Variants in KLHL24 observed in about 807,000 individuals in gnomAD.
The protein encoded by KLHL24 is kelch like family member 24.
A neutral mutation model predicts 53.4 loss-of-function variants in KLHL24; 29 were observed. The observed-to-expected ratio is 0.54, with a 90% CI of 0.40 to 0.74. The LOEUF (loss-of-function observed/expected upper bound fraction) is 0.74, where lower values mean the gene tolerates loss of function less well. KLHL24 is among the 30% of genes least tolerant of loss of function. KLHL24 has a pLI of 0.00. For missense variants in KLHL24, 504 were observed against 744.0 expected (o/e 0.68, Z 3.75); for synonymous variants, 222 against 253.7 (o/e 0.88, Z 1.19).
At position 183,663,687 on chromosome 3, in the gene KLHL24, G is replaced by T. The variant is rs146396724; in HGVS notation, c.1105+45G>T. ...AGTAGCTACTTTTAATTTGGACACA[G>T]CTTCATTATTTTAAACATCAACAGT... is the stretch of plus-strand genomic sequence containing the variant. On this transcript the variant is annotated intron_variant, in intron 4 of 7. Transcript: ENST00000242810. This position sits in a 1 kb window ranked among gnomAD's most constrained non-coding sequence, Gnocchi z 4.9. The T allele has an allele frequency of 1.6e-4, 185 of 1,125,690 alleles. 1 individual carries two copies. In the East Asian group the frequency reaches 4.5e-3, roughly 28 times the overall value. The allele number at this position is 1,125,690 out of a possible 1,614,324, so 69.7% of individuals were successfully genotyped here. A position where few individuals can be genotyped will look rare whatever the true frequency, so the allele number is the denominator to read the frequency against.
At chr3:183,652,358 G>C (rs1718241627) in intron 3 of KLHL24, among the ~76,000 whole-genome samples, 1 of 152,146 alleles carries the variant, frequency 6.6e-6, no homozygotes, top group East Asian at 1.9e-4. Flanking sequence ...AGAAATGCTT[G>C]TTATGAGAAA....
At chr3:183,640,874 G>A (rs1442396629) in intron 1 of KLHL24, among the ~76,000 whole-genome samples, 1 of 151,958 alleles carries the variant, frequency 6.6e-6, no homozygotes, top group African/African-American at 2.4e-5. Context: ...TGCTGGGACT[G>A]CAGGCGTGAG....
In KLHL24 at chr3:183,679,605, G is replaced by T. The variant is rs78814987; in HGVS notation, c.*319G>T. On this transcript the variant is annotated 3_prime_UTR_variant, in exon 8 of 8. Coordinates refer to ENST00000242810, the MANE Select transcript of KLHL24 (RefSeq NM_017644.3). ...CATACCTTTTAGGAGCGTGTGAATGGTGTCTTCACTTATTATGTATGTTTA... is the reference window on the plus strand; with the variant it reads ...CATACCTTTTAGGAGCGTGTGAATGTTGTCTTCACTTATTATGTATGTTTA... 2.0e-4 allele frequency: 52 copies of T among 254,652 alleles called. No individual in the cohort carries two copies. The East Asian group carries it at 4.8e-3, about 24-fold the overall frequency. The allele number at this position is 254,652 out of a possible 1,614,324, so 15.8% of individuals were successfully genotyped here.
At chr3:183,660,796 G>A (rs562145943) in intron 3 of KLHL24, among the ~76,000 whole-genome samples, 10 of 152,060 alleles carry the variant, frequency 6.6e-5, no homozygotes, top group South Asian at 4.2e-4. Flanking sequence ...CGCAGCTCAC[G>A]CCTGTAATAC....
At chr3:183,654,272 T>G (rs530935869) in intron 3 of KLHL24, among the ~76,000 whole-genome samples, 21 of 152,144 alleles carry the variant, frequency 1.4e-4, no homozygotes, top group Non-Finnish European at 3.1e-4. Flanking sequence ...AATTTAATGG[T>G]TCTTACTCCT....
In KLHL24 at chr3:183,682,226, T is replaced by C. The variant is rs2108915236; in HGVS notation, c.*2940T>C. 1 of 152,282 alleles carries C rather than the reference T, an allele frequency of 6.6e-6. No individual in the cohort carries two copies. The highest frequency in any genetic ancestry group is 2.1e-4 in the South Asian group (1 of 4,830). 9.4% of individuals were successfully genotyped at this position (152,282 alleles called of 1,614,324 possible). On this transcript the variant is annotated 3_prime_UTR_variant, in exon 8 of 8. Transcript: ENST00000242810. ...AAAGGGAATTCAAAGGTATGCTTTGTAGAACAGAAAAGTATAGTTTTTTTT... is the reference window on the plus strand; with the variant it reads ...AAAGGGAATTCAAAGGTATGCTTTGCAGAACAGAAAAGTATAGTTTTTTTT...
intron 7 of KLHL24, among the ~76,000 whole-genome samples, chr3:183,676,710 C>A (rs1430591338): frequency 1.3e-5 from 2 of 151,954 alleles, no homozygotes; most frequent in Non-Finnish European, 2.9e-5. Context: ...GCTTTTTAAC[C>A]TGTGTCAGGA....
At chr3:183,675,751 AG>A (rs1711726441) in intron 7 of KLHL24, among the ~76,000 whole-genome samples, 1 of 151,960 alleles carries the variant, frequency 6.6e-6, no homozygotes, top group Non-Finnish European at 1.5e-5. Flanking sequence ...TGGGTGACAC[AG>A]TGAGACCCTG....
Position 183,681,157 on chromosome 3 carries a change from A to G in KLHL24, c.*1871A>G, listed in dbSNP as rs778941010. On this transcript the variant is annotated 3_prime_UTR_variant, in exon 8 of 8. Transcript: ENST00000242810. The stretch of plus-strand genomic sequence containing the variant: ...ACAATTTTCTATCCTCTTAGTTGAA[A>G]GAATGTAGGTACAGTTTGGATACTT... The G allele has an allele frequency of 1.2e-4, 18 of 152,122 alleles. No homozygotes were observed. The highest frequency in any genetic ancestry group is 2.2e-4 in the Non-Finnish European group (15 of 67,976). The allele number at this position is 152,122 out of a possible 1,614,324, so 9.4% of individuals were successfully genotyped here.
intron 2 of KLHL24, among the ~76,000 whole-genome samples, chr3:183,645,481 T>A (rs545363204): frequency 1.3e-5 from 2 of 152,318 alleles, no homozygotes; most frequent in East Asian, 3.9e-4. Context: ...CATCCAGACA[T>A]CCACACAAAT....
intron 3 of KLHL24, among the ~76,000 whole-genome samples, chr3:183,661,132 G>A (rs887178488): frequency 4.1e-5 from 5 of 121,162 alleles, no homozygotes; most frequent in Admixed American, 8.4e-5. Context: ...GACTACCTGG[G>A]AGGCTGAGGT....
At chr3:183,674,243 T>TTTTCTTCCTTTC in intron 7 of KLHL24, among the ~76,000 whole-genome samples, 1 of 131,070 alleles carries the variant, frequency 7.6e-6, no homozygotes, top group Admixed American at 8.0e-5. Context: ...TTAGCATCAA[T>TTTTCTTCCTTTC]TTTCTTTCTT....
At chr3:183,647,289 G>A (rs1717421853) in intron 2 of KLHL24, among the ~76,000 whole-genome samples, 4 of 152,116 alleles carry the variant, frequency 2.6e-5, no homozygotes, top group East Asian at 2.0e-4. Flanking sequence ...GGTGGTGCAC[G>A]CCTGTAGTTC....
intron 1 of KLHL24, among the ~76,000 whole-genome samples, chr3:183,642,098 C>T (rs758331975): frequency 3.3e-5 from 5 of 152,098 alleles, no homozygotes; most frequent in Non-Finnish European, 7.4e-5. Context: ...CTTAGCCAAC[C>T]CCACAGAGTC....
intron 4 of KLHL24, 77 bp from the exon 5 acceptor site, chr3:183,664,844 T>TGATAG: frequency 1.4e-6 from 1 of 695,290 alleles, no homozygotes; most frequent in East Asian, 2.8e-5. Context: ...TCTTTACCTA[T>TGATAG]GCCTTGGTGG....
Position 183,650,239 on chromosome 3 carries a change from G to A in KLHL24, c.-61-57G>A. 1 of 693,200 alleles carries A rather than the reference G, an allele frequency of 1.4e-6. No individual in the cohort carries two copies. The highest frequency in any genetic ancestry group is 2.4e-6 in the Non-Finnish European group (1 of 417,380). 42.9% of individuals were successfully genotyped at this position (693,200 alleles called of 1,614,324 possible). ...AGTGTTTATATTAAAATGAAATTAT[G>A]TGATTTGAATACTGAATTTTTTGCA... On this transcript the variant is annotated intron_variant, in intron 2 of 7. Coordinates refer to ENST00000242810, the MANE Select transcript of KLHL24 (RefSeq NM_017644.3). This position sits in a 1 kb window ranked among gnomAD's most constrained non-coding sequence, Gnocchi z 4.5.
chr3:183,666,394 C>T (rs1720567498), intron 5 of KLHL24, among the ~76,000 whole-genome samples: 1 of 152,050 alleles, frequency 6.6e-6, no homozygotes, highest in African/African-American at 2.4e-5. Flanking sequence ...TCCCAAGTAG[C>T]CAAGGCCACA....
At chr3:183,636,908 G>A (rs114510576) in intron 1 of KLHL24, among the ~76,000 whole-genome samples, 10,310 of 152,162 alleles carry the variant, frequency 0.068, 1,207 homozygotes, top group African/African-American at 0.24. Flanking sequence ...GATCCTGCAG[G>A]CAGTTCTGGG....
At chr3:183,638,091 T>A (rs1715655905) in intron 1 of KLHL24, among the ~76,000 whole-genome samples, 1 of 152,254 alleles carries the variant, frequency 6.6e-6, no homozygotes, top group East Asian at 1.9e-4. Context: ...GAGCATCTCC[T>A]GTGATCAGAA....
Sources: allele counts gnomAD v4.1 joint callset (sites outside exome capture counted in the v4.1 genomes callset), GRCh38; gene constraint gnomAD v4.1.1; non-coding constraint Gnocchi (gnomAD v3.1); transcripts MANE v1.5; gene names NCBI Gene and HGNC (gene_info 2026-07-23, HGNC 2026-07-21).